Variants in ACP7 observed in about 807,000 individuals in gnomAD.
The protein encoded by ACP7 is acid phosphatase type 7.
Under a neutral mutation model 60.6 loss-of-function variants are expected in ACP7, and 58 were observed. The ratio of observed to expected loss-of-function variants is 0.96; its 90% CI spans 0.77 to 1.19. The LOEUF (loss-of-function observed/expected upper bound fraction) is 1.19. ACP7 is among the 50% of genes most tolerant of loss of function. The probability of loss-of-function intolerance (pLI) is 0.00; values close to 1 mark genes in which losing one functional copy is unlikely to be tolerated. For synonymous variants in ACP7, 237 were observed against 232.6 expected (o/e 1.02, Z -0.17); for missense variants, 574 against 596.2 (o/e 0.96, Z 0.39).
At position 39,101,458 on chromosome 19, in the gene ACP7, T is replaced by C. The variant is rs201519300; in HGVS notation, c.1042-8T>C. 8 of 1,614,104 alleles carry C rather than the reference T, an allele frequency of 5.0e-6. No homozygotes were observed. The East Asian group carries it at 1.8e-4, about 36-fold the overall frequency. On this transcript the variant is annotated splice_polypyrimidine_tract_variant and splice_region_variant and intron_variant, in intron 10 of 12. Coordinates refer to ENST00000331256, the MANE Select transcript of ACP7 (RefSeq NM_001004318.3). ...CTGCCTGCCACCCAACGTTGTTCCCTTCCCCAGGTATTTAACGGCAGCCGA... is the reference window on the plus strand; with the variant it reads ...CTGCCTGCCACCCAACGTTGTTCCCCTCCCCAGGTATTTAACGGCAGCCGA...
At chr19:39,109,795 C>T (rs1192446545) in intron 12 of ACP7, among the ~76,000 whole-genome samples, 1 of 151,452 alleles carries the variant, frequency 6.6e-6, no homozygotes, top group African/African-American at 2.4e-5. Context: ...ATAGCCTACA[C>T]TTACATAGCC....
chr19:39,103,441 G>GTTTTTTTTT lies in ACP7; in HGVS notation c.1113+1921_1113+1929dup, dbSNP rs58293250. ...TCAAAACATTCCAGGATCATCATGT[G>GTTTTTTTTT]TTTTTTTTTTTTTTTTTTTTTTTTT... On this transcript the variant is annotated intron_variant, in intron 11 of 12. Coordinates refer to ENST00000331256, the MANE Select transcript of ACP7 (RefSeq NM_001004318.3). Among the ~76,000 whole-genome samples the GTTTTTTTTT allele has an allele frequency of 8.8e-4, 57 of 64,712 alleles. 4 individuals carry two copies. The highest frequency in any genetic ancestry group is 3.2e-3 in the African/African-American group (48 of 14,850). The allele number at this position is 64,712 out of a possible 152,430, so 42.5% of individuals were successfully genotyped here. A position where few individuals can be genotyped will look rare whatever the true frequency, so the allele number is the denominator to read the frequency against.
At chr19:39,089,143 G>A (rs1356420480) in intron 2 of ACP7, among the ~76,000 whole-genome samples, 1 of 152,060 alleles carries the variant, frequency 6.6e-6, no homozygotes, top group African/African-American at 2.4e-5. Context: ...TGCCCAGGCT[G>A]GTCTCGAACT....
chr19:39,096,056 C>T (rs920715644), intron 2 of ACP7, among the ~76,000 whole-genome samples: 20 of 152,210 alleles, frequency 1.3e-4, no homozygotes, highest in African/African-American at 4.6e-4. Flanking sequence ...GGAGGGGCTG[C>T]CGCAAAGGTC....
At chr19:39,084,708 T>G (rs1600247106) in intron 1 of ACP7, among the ~76,000 whole-genome samples, 1 of 150,348 alleles carries the variant, frequency 6.7e-6, no homozygotes, top group African/African-American at 2.4e-5. Flanking sequence ...ATCTCGGGAG[T>G]AGGTAGGAGA....
chr19:39,100,205 C>A (rs769871081), intron 4 of ACP7, 22 bp from the exon 5 acceptor site: 2 of 1,604,312 alleles, frequency 1.2e-6, no homozygotes, highest in East Asian at 2.3e-5. Flanking sequence ...GGTCCTCACC[C>A]TCCTTCCGCC....
In ACP7 at chr19:39,085,277, C is replaced by G. The variant is rs778600845; in HGVS notation, c.8C>G (p.Pro3Arg). Reference protein sequence around the residue: MHPLPGYWSCYCL... With the variant: MHRLPGYWSCYCL... The stretch of plus-strand genomic sequence containing the variant: ...CATCACCACCCCACCACCATGCACC[C>G]CCTTCCTGGCTACTGGTCCTGTTAC... Residue 3 changes from proline (P) to arginine (R), a missense_variant, in exon 2 of 13, where the codon CCC becomes CGC. Transcript: ENST00000331256. 6 of 1,612,928 alleles carry G rather than the reference C, an allele frequency of 3.7e-6. 1 individual carries two copies. In the South Asian group the frequency reaches 6.6e-5, roughly 18 times the overall value.
chr19:39,086,641 A>AAGGG (rs1555766196), intron 2 of ACP7, among the ~76,000 whole-genome samples: 22 of 75,118 alleles, frequency 2.9e-4, no homozygotes, highest in Non-Finnish European at 4.9e-4. Flanking sequence ...AAAAAAAAAA[A>AAGGG]GGGGGGGGGG....
intron 4 of ACP7, 136 bp downstream of exon 4, chr19:39,099,278 C>T: frequency 9.6e-7 from 1 of 1,040,352 alleles, no homozygotes; most frequent in East Asian, 3.3e-5. Context: ...GCCAGTGTGT[C>T]TCTGAAGGGA....
chr19:39,108,335 T>C (rs2145046607), intron 12 of ACP7, among the ~76,000 whole-genome samples: 1 of 151,912 alleles, frequency 6.6e-6, no homozygotes, highest in African/African-American at 2.4e-5. Context: ...GAGACAGGGT[T>C]TCACTGTGTT....
chr19:39,103,607 A>T (rs2073381947), intron 11 of ACP7, among the ~76,000 whole-genome samples: 1 of 151,842 alleles, frequency 6.6e-6, no homozygotes, highest in Non-Finnish European at 1.5e-5. Flanking sequence ...CAGGCAGGTC[A>T]CTTGAGGTCA....
At chr19:39,099,683 G>A (rs2073316459) in intron 4 of ACP7, among the ~76,000 whole-genome samples, 1 of 151,934 alleles carries the variant, frequency 6.6e-6, no homozygotes, top group Non-Finnish European at 1.5e-5. Context: ...CATCTGAAAT[G>A]GGAATAATAA....
chr19:39,104,479 A>G (rs765817026), intron 11 of ACP7, among the ~76,000 whole-genome samples: 1 of 152,218 alleles, frequency 6.6e-6, no homozygotes, highest in Non-Finnish European at 1.5e-5. Context: ...GGAGCATGAA[A>G]TAGAATGCTG....
At chr19:39,095,321 T>C (rs1333813486) in intron 2 of ACP7, among the ~76,000 whole-genome samples, 1 of 152,162 alleles carries the variant, frequency 6.6e-6, no homozygotes, top group Non-Finnish European at 1.5e-5. Context: ...ATTGGGTAAA[T>C]ACAGCCATTC....
At chr19:39,098,226 C>CCTAGGAGG (rs1234095654) in intron 2 of ACP7, among the ~76,000 whole-genome samples, 2 of 134,526 alleles carry the variant, frequency 1.5e-5, no homozygotes, top group Non-Finnish European at 3.0e-5. Context: ...TGTACTCCAG[C>CCTAGGAGG]CTAGGAGGCA....
At chr19:39,102,672 C>T (rs368056417) in intron 11 of ACP7, among the ~76,000 whole-genome samples, 67 of 151,752 alleles carry the variant, frequency 4.4e-4, no homozygotes, top group Non-Finnish European at 6.8e-4. Flanking sequence ...CATTAGTGGA[C>T]GCTGCCTGTT....
chr19:39,100,643 G>A lies in ACP7; in HGVS notation c.692+1G>A. 2 of 1,613,960 alleles carry A rather than the reference G, an allele frequency of 1.2e-6. No individual in the cohort carries two copies. Among genetic ancestry groups the A allele is most frequent in the South Asian group, 1.1e-5 (1 of 91,080 alleles). ...GGGATAATGAGGGCCTGTGGTACAG[G>A]TAATGTGGGGGTGCTGGGGGACTGG... On this transcript the variant is annotated splice_donor_variant, in intron 6 of 12. Coordinates refer to ENST00000331256, the MANE Select transcript of ACP7 (RefSeq NM_001004318.3). LOFTEE classifies it high-confidence loss of function.
intron 4 of ACP7, 54 bp from the exon 5 acceptor site, chr19:39,100,173 A>C: frequency 3.7e-6 from 6 of 1,601,300 alleles, no homozygotes; most frequent in Non-Finnish European, 5.1e-6. Context: ...TCTCAATTCC[A>C]GTGAAAGCAG....
chr19:39,104,086 AATT>A (rs2041400834), intron 11 of ACP7, among the ~76,000 whole-genome samples: 1 of 151,182 alleles, frequency 6.6e-6, no homozygotes, highest in African/African-American at 2.4e-5. Flanking sequence ...GTAAAATAAT[AATT>A]ATTATTATCA....
Sources: allele counts gnomAD v4.1 joint callset (sites outside exome capture counted in the v4.1 genomes callset), GRCh38; gene constraint gnomAD v4.1.1; transcripts MANE v1.5; gene names NCBI Gene and HGNC (gene_info 2026-07-23, HGNC 2026-07-21).